Variants in ASMTL observed in about 807,000 individuals in gnomAD.
ASMTL encodes acetylserotonin O-methyltransferase like.
Under a neutral mutation model 60.3 loss-of-function variants are expected in ASMTL, and 57 were observed. That is an observed-to-expected ratio of 0.95 (90% CI 0.76 to 1.18). ASMTL has a LOEUF of 1.18. Among genes scored for constraint, ASMTL ranks in the 50% most tolerant of loss-of-function variants. The pLI, the probability that ASMTL is intolerant of heterozygous loss-of-function variation, is 0.00. For synonymous variants in ASMTL, 419 were observed against 373.0 expected (o/e 1.12, Z -1.42); for missense variants, 981 against 852.6 (o/e 1.15, Z -1.88).
chrX:1,444,979 C>T (rs1430572132), intron 1 of ASMTL, among the ~76,000 whole-genome samples: 7 of 152,132 alleles, frequency 4.6e-5, no homozygotes, highest in South Asian at 2.1e-4. Flanking sequence ...CCTCTCTCTT[C>T]GTCCGTCTTC....
rs1469971704 is a variant in ASMTL at position 1,442,254 on chromosome X, T to C, written c.157A>G (p.Thr53Ala). ...KEKLDKASFATPYGYAMETAK... is the reference protein window; with the variant it reads ...KEKLDKASFAAPYGYAMETAK... Reference sequence around the variant, plus strand: ...GTCTCCATGGCGTACCCATACGGAGTAGCGAAGGAGGCTTTGTCCAGCTTC... The same window carrying C: ...GTCTCCATGGCGTACCCATACGGAGCAGCGAAGGAGGCTTTGTCCAGCTTC... The change falls in exon 2 of 13, where the codon ACT becomes GCT. Residue 53 changes from threonine (T) to alanine (A), a missense_variant. Thr to Ala is a moderately conservative substitution (Grantham distance 58). Transcript: ENST00000381317. The C allele has an allele frequency of 3.1e-6, 5 of 1,613,616 alleles. No individual in the cohort carries two copies. In the South Asian group the frequency reaches 3.3e-5, roughly 11 times the overall value.
At chrX:1,446,224 C>T (rs1201891091) in intron 1 of ASMTL, among the ~76,000 whole-genome samples, 8 of 152,170 alleles carry the variant, frequency 5.3e-5, no homozygotes, top group Admixed American at 5.2e-4. Context: ...GGAAGGGCCC[C>T]CTGTCCAGTG....
intron 8 of ASMTL, among the ~76,000 whole-genome samples, chrX:1,422,207 G>A (rs28379372): frequency 0.67 from 101,285 of 151,572 alleles, 34,838 homozygotes; most frequent in South Asian, 0.87. Flanking sequence ...GTGGAGGTGT[G>A]CTGTAGCTGG....
chrX:1,416,922 G>GCA (rs373198345), intron 11 of ASMTL, among the ~76,000 whole-genome samples: 22 of 149,942 alleles, frequency 1.5e-4, no homozygotes, highest in African/African-American at 4.9e-4. Context: ...CCACAGAGGT[G>GCA]CACACACACA....
intron 3 of ASMTL, among the ~76,000 whole-genome samples, chrX:1,438,864 T>TGA (rs1159656153): frequency 6.6e-6 from 1 of 152,166 alleles, no homozygotes; most frequent in Non-Finnish European, 1.5e-5. Context: ...TGACCTAAGG[T>TGA]GATCCGCCCA....
intron 9 of ASMTL, among the ~76,000 whole-genome samples, chrX:1,420,556 A>G (rs1246939039): frequency 6.6e-6 from 1 of 151,094 alleles, no homozygotes; most frequent in Non-Finnish European, 1.5e-5. Context: ...CCCACAGCAG[A>G]CTCCCCACGC....
intron 5 of ASMTL, among the ~76,000 whole-genome samples, chrX:1,434,000 T>C (rs1408404352): frequency 6.6e-6 from 1 of 152,044 alleles, no homozygotes; most frequent in Admixed American, 6.6e-5. Context: ...ACCAGGGATA[T>C]GGGGCTGGGA....
rs190471999 is a variant in ASMTL at position 1,403,696 on chromosome X, C to T, written c.1646-207G>A. The T allele has an allele frequency of 7.9e-4, 474 of 602,260 alleles. 3 individuals are homozygous for T. The African/African-American group carries it at 8.1e-3, about 10-fold the overall frequency. 37.3% of individuals were successfully genotyped at this position (602,260 alleles called of 1,614,324 possible). A position where few individuals can be genotyped will look rare whatever the true frequency, so the allele number is the denominator to read the frequency against. On this transcript the variant is annotated intron_variant, in intron 12 of 12. Coordinates refer to ENST00000381317, the MANE Select transcript of ASMTL (RefSeq NM_004192.4). ...ACAGACAGGGAGAAGGAGATTTGAT[C>T]GAAAGATGGATGGATAGATGGATGC...
intron 6 of ASMTL, among the ~76,000 whole-genome samples, chrX:1,431,694 AATAC>A (rs1185812854): frequency 1.4e-5 from 2 of 148,134 alleles, no homozygotes; most frequent in African/African-American, 2.5e-5. Flanking sequence ...TATAATGTGG[AATAC>A]ATAAATTATA....
At chrX:1,407,366 G>C (rs1309745220) in intron 12 of ASMTL, among the ~76,000 whole-genome samples, 8 of 151,296 alleles carry the variant, frequency 5.3e-5, no homozygotes, top group Non-Finnish European at 1.0e-4. Context: ...ATTGATGGTA[G>C]GTGATGGGCA....
At chrX:1,439,196 GAGA>G (rs1174747891) in intron 2 of ASMTL, 52 bp from the exon 3 acceptor site, 4 of 1,599,548 alleles carry the variant, frequency 2.5e-6, no homozygotes, top group Middle Eastern at 1.7e-4. Flanking sequence ...GGGTCTCACA[GAGA>G]AGTTTTCCCG....
At position 1,415,240 on chromosome X, in the gene ASMTL, T is replaced by TG. The variant is rs770774388; in HGVS notation, c.1523-2387dup. 1.3e-3 allele frequency among the ~76,000 whole-genome samples: 13 copies of TG among 10,088 alleles called. 2 individuals carry two copies. Among genetic ancestry groups the TG allele is most frequent in the East Asian group, 0.017 (2 of 116 alleles). 6.6% of individuals were successfully genotyped at this position (10,088 alleles called of 152,430 possible). A position where few individuals can be genotyped will look rare whatever the true frequency, so the allele number is the denominator to read the frequency against. ...CCAGGCGTCTCCTGTCAATCCGTCC[T>TG]GGCCTCAGCAGCTGCCACCTGGAAG... On this transcript the variant is annotated intron_variant, in intron 11 of 12. Transcript: ENST00000381317.
chrX:1,429,596 G>A (rs753031978), intron 6 of ASMTL, among the ~76,000 whole-genome samples: 3 of 151,882 alleles, frequency 2.0e-5, no homozygotes, highest in South Asian at 4.2e-4. Context: ...TCAGGAGTTC[G>A]AGACCAGCCT....
chrX:1,418,450 C>T (rs1415208514), intron 10 of ASMTL, among the ~76,000 whole-genome samples: 4 of 151,780 alleles, frequency 2.6e-5, no homozygotes, highest in East Asian at 1.9e-4. Context: ...ACAGGGAAAT[C>T]CTTTCTGCCC....
chrX:1,411,420 C>G (rs28517674), intron 12 of ASMTL, among the ~76,000 whole-genome samples: 3 of 152,150 alleles, frequency 2.0e-5, no homozygotes, highest in East Asian at 1.9e-4. Context: ...CAGATTCCCT[C>G]AGGGCCAGCT....
chrX:1,404,528 G>T (rs1393541799), intron 12 of ASMTL, among the ~76,000 whole-genome samples: 1 of 150,786 alleles, frequency 6.6e-6, no homozygotes, highest in African/African-American at 2.4e-5. Context: ...TGATGGTTAG[G>T]TAAGTAGGTA....
In ASMTL at chrX:1,439,255, C is replaced by T; in HGVS notation, c.226-111G>A. ...CACCGCAGGGGCGAAGCCAGGCCGACTTTGGAAGTGAAGGCTGGGGGTGCT... is the reference window on the plus strand; with the variant it reads ...CACCGCAGGGGCGAAGCCAGGCCGATTTTGGAAGTGAAGGCTGGGGGTGCT... On this transcript the variant is annotated intron_variant, in intron 2 of 12. Coordinates refer to ENST00000381317, the MANE Select transcript of ASMTL (RefSeq NM_004192.4). 8 of 1,116,934 alleles carry T rather than the reference C, an allele frequency of 7.2e-6. No homozygotes were observed. In the South Asian group the frequency reaches 1.1e-4, roughly 15 times the overall value. 69.2% of individuals were successfully genotyped at this position (1,116,934 alleles called of 1,614,324 possible).
At chrX:1,437,715 G>A (rs1213490800) in intron 3 of ASMTL, among the ~76,000 whole-genome samples, 1 of 151,750 alleles carries the variant, frequency 6.6e-6, no homozygotes, top group African/African-American at 2.4e-5. Context: ...GGCCAACATG[G>A]TGAAACCCCG....
intron 8 of ASMTL, among the ~76,000 whole-genome samples, chrX:1,422,678 A>G (rs2090514040): frequency 1.3e-5 from 2 of 152,140 alleles, no homozygotes; most frequent in Middle Eastern, 3.2e-3. Flanking sequence ...CTCCTATGTA[A>G]GAAACAGCCC....
Sources: allele counts gnomAD v4.1 joint callset (sites outside exome capture counted in the v4.1 genomes callset), GRCh38; gene constraint gnomAD v4.1.1; transcripts MANE v1.5; gene names NCBI Gene and HGNC (gene_info 2026-07-23, HGNC 2026-07-21).